Variants in FGG observed in about 807,000 individuals in gnomAD.
FGG encodes the protein fibrinogen gamma chain.
In FGG, 20 loss-of-function variants were observed where a neutral mutation model predicts 51.7. That is an observed-to-expected ratio of 0.39 (90% CI 0.27 to 0.56). FGG has a LOEUF of 0.56. Ranked by LOEUF, FGG falls within the 20% of genes least tolerant of loss-of-function variation. The pLI is 0.64. For missense variants in FGG, 460 were observed against 534.2 expected, an observed-to-expected ratio of 0.86 and a Z score of 1.37; for synonymous variants, 184 against 184.7, an observed-to-expected ratio of 1.00 and a Z score of 0.03.
intron 6 of FGG, among the ~76,000 whole-genome samples, chr4:154,609,306 T>C (rs1487363509): frequency 6.6e-6 from 1 of 152,164 alleles, no homozygotes; most frequent in Non-Finnish European, 1.5e-5. Context: ...TATTTGTCAC[T>C]GTGGTACTAT....
intron 8 of FGG, among the ~76,000 whole-genome samples, chr4:154,606,188 T>C (rs1731093079): frequency 1.3e-5 from 2 of 152,096 alleles, no homozygotes; most frequent in South Asian, 2.1e-4. Context: ...AGCCTCCTCA[T>C]CCAACCCCCA....
In FGG at chr4:154,605,066, C is replaced by T; in HGVS notation, c.1130G>A (p.Gly377Asp). ...AGHLNGVYYQ[G>D]GTYSKASTPN... ...AGTAGATGCTTTTGAGTAAGTGCCA[C>T]CTAAAACAAGTCGTAGATGTACATA... The change falls in exon 9 of 9, where the codon GGT (glycine) becomes GAT (aspartate). Residue 377 changes from glycine to aspartate, a missense_variant and splice_region_variant. Coordinates refer to ENST00000336098, the MANE Select transcript of FGG (RefSeq NM_021870.3). 4 of 1,613,884 alleles carry T rather than the reference C, an allele frequency of 2.5e-6. No homozygotes were observed. The highest frequency in any genetic ancestry group is 2.2e-5 in the South Asian group (2 of 91,070).
Position 154,608,557 on chromosome 4 carries a change from G to T in FGG, c.760C>A (p.Leu254Met). The T allele has an allele frequency of 6.2e-7, 1 of 1,613,744 alleles. No individual in the cohort carries two copies. Among genetic ancestry groups the T allele is most frequent in the Non-Finnish European group, 8.5e-7 (1 of 1,179,834 alleles). Residue 254 changes from leucine (L) to methionine (M), a missense_variant, in exon 7 of 9, where the codon CTG becomes ATG. Physicochemically the swap from Leu to Met is conservative, Grantham distance 15 (BLOSUM62 2). Around this residue, in one of 3 missense-constraint regions of FGG, gnomAD observed 353 missense variants for 391.7 expected, o/e 0.90. Coordinates refer to ENST00000336098, the MANE Select transcript of FGG (RefSeq NM_021870.3). ...ATCAAATGAATCTTCTCATTTCCCAGCCAAAATTCTGTTGTGCCAGTAGGA... is the reference window on the plus strand; with the variant it reads ...ATCAAATGAATCTTCTCATTTCCCATCCAAAATTCTGTTGTGCCAGTAGGA... ...LSPTGTTEFW[L>M]GNEKIHLIST...
intron 2 of FGG, 48 bp downstream of exon 2, chr4:154,612,343 G>C (rs780625317): frequency 6.3e-7 from 1 of 1,598,478 alleles, no homozygotes; most frequent in South Asian, 1.1e-5. Flanking sequence ...CTATTCCTCT[G>C]CCCCTCTCCA....
In FGG at chr4:154,604,441, G is replaced by T; in HGVS notation, c.*393C>A. ...GAAGAATTAAATAGGAATGATTTAGGGGTAATAAACAAGGAAAATACCTGG... is the reference window on the plus strand; with the variant it reads ...GAAGAATTAAATAGGAATGATTTAGTGGTAATAAACAAGGAAAATACCTGG... On this transcript the variant is annotated 3_prime_UTR_variant, in exon 9 of 9. Transcript: ENST00000336098. The T allele has an allele frequency of 2.4e-6, 3 of 1,228,588 alleles. No individual in the cohort carries two copies. Among genetic ancestry groups the T allele is most frequent in the Middle Eastern group, 2.0e-4 (1 of 4,944 alleles). 76.1% of individuals were successfully genotyped at this position (1,228,588 alleles called of 1,614,324 possible). A position where few individuals can be genotyped will look rare whatever the true frequency, so the allele number is the denominator to read the frequency against.
At position 154,609,780 on chromosome 4, in the gene FGG, G is replaced by C. The variant is rs577663651; in HGVS notation, c.533-17C>G. 2 of 1,613,924 alleles carry C rather than the reference G, an allele frequency of 1.2e-6. No individual in the cohort carries two copies. Among genetic ancestry groups the C allele is most frequent in the Middle Eastern group, 3.3e-4 (2 of 6,062 alleles). On this transcript the variant is annotated splice_polypyrimidine_tract_variant and intron_variant, in intron 5 of 8. Coordinates refer to ENST00000336098, the MANE Select transcript of FGG (RefSeq NM_021870.3). ...CTTGACAATCTAGAGAAGGAGAATC[G>C]ACTTTTACTGTGGTTTGAAATGCAG...
intron 5 of FGG, 71 bp downstream of exon 5, chr4:154,609,996 C>T: frequency 6.3e-7 from 1 of 1,596,136 alleles, no homozygotes; most frequent in Non-Finnish European, 8.6e-7. Context: ...CCTATACTTT[C>T]CAGTACATAC....
chr4:154,611,348 C>A, intron 4 of FGG: 1 of 162,232 alleles, frequency 6.2e-6, no homozygotes, highest in Non-Finnish European at 1.3e-5. Context: ...CTTAGTCTCT[C>A]AAGACATGTT....
At position 154,604,910 on chromosome 4, in the gene FGG, C is replaced by A. The variant is rs758530530; in HGVS notation, c.1286G>T (p.Gly429Val). Reference sequence around the variant, plus strand: ...CTCTGGTCTGACCTGTTTGGCTCCCCCCAGGTGGTGTTGCTGTCCTTCTCC... The same window carrying A: ...CTCTGGTCTGACCTGTTTGGCTCCCACCAGGTGGTGTTGCTGTCCTTCTCC... ...TIGEGQQHHL[G>V]GAKQVRPEHP... The change falls in exon 9 of 9, where the codon GGG (glycine) becomes GTG (valine). Residue 429 changes from glycine to valine, a missense_variant. Gly to Val is a moderately radical substitution (Grantham distance 109). Around this residue, in one of 3 missense-constraint regions of FGG, gnomAD observed 92 missense variants for 93.7 expected, o/e 0.98. Transcript: ENST00000336098. The A allele has an allele frequency of 3.5e-5, 57 of 1,613,928 alleles. No individual in the cohort carries two copies. Among genetic ancestry groups the A allele is most frequent in the Non-Finnish European group, 4.6e-5 (54 of 1,179,966 alleles).
chr4:154,612,442 G>A lies in FGG; in HGVS notation c.79-7C>T. 1 of 1,613,828 alleles carries A rather than the reference G, an allele frequency of 6.2e-7. No homozygotes were observed. Among genetic ancestry groups the A allele is most frequent in the Non-Finnish European group, 8.5e-7 (1 of 1,179,844 alleles). On this transcript the variant is annotated splice_polypyrimidine_tract_variant and splice_region_variant and intron_variant, in intron 1 of 8. Transcript: ENST00000336098. ...TGTCTCTGGTAGCAACATACTAAAA[G>A]AGAAAAAATACAGAAATTTCACTAG...
At chr4:154,609,457 C>T (rs931362326) in intron 6 of FGG, among the ~76,000 whole-genome samples, 173 bp downstream of exon 6, 14 of 152,116 alleles carry the variant, frequency 9.2e-5, no homozygotes, top group African/African-American at 1.7e-4. Context: ...GTTATTTAAC[C>T]TTGTGTGCCT....
At chr4:154,611,603 T>A (rs1042639271) in intron 4 of FGG, 2 of 484,012 alleles carry the variant, frequency 4.1e-6, no homozygotes, top group Non-Finnish European at 7.3e-6. Flanking sequence ...TTCAATGTGA[T>A]TATTAATAAG....
chr4:154,606,022 A>G (rs1429448198), intron 8 of FGG, among the ~76,000 whole-genome samples: 2 of 152,120 alleles, frequency 1.3e-5, no homozygotes, highest in Non-Finnish European at 2.9e-5. Context: ...GATTATCTTC[A>G]TAGTGGTTTT....
At chr4:154,605,214 TA>T in intron 8 of FGG, 148 bp from the exon 9 acceptor site, 1 of 756,912 alleles carries the variant, frequency 1.3e-6, no homozygotes, top group South Asian at 1.7e-5. Context: ...CAAAGATTCC[TA>T]AAATATCAAT....
chr4:154,608,540 A>C lies in FGG; in HGVS notation c.777T>G (p.Ile259Met). ...TGGCAGACTGTGTGCTTATCAAATG[A>C]ATCTTCTCATTTCCCAGCCAAAATT... is the stretch of plus-strand genomic sequence containing the variant. ...TTEFWLGNEK[I>M]HLISTQSAIP... Residue 259 changes from isoleucine to methionine, a missense_variant, in exon 7 of 9, where the codon ATT becomes ATG. This residue lies in a region of FGG where 353 missense variants were observed against 391.7 expected (regional missense o/e 0.90). Transcript: ENST00000336098. The C allele has an allele frequency of 6.2e-7, 1 of 1,613,810 alleles. No individual in the cohort carries two copies. Among genetic ancestry groups the C allele is most frequent in the South Asian group, 1.1e-5 (1 of 91,078 alleles).
chr4:154,604,421 A>G lies in FGG; in HGVS notation c.*413T>C. The G allele has an allele frequency of 3.0e-6, 4 of 1,341,918 alleles. No homozygotes were observed. The highest frequency in any genetic ancestry group is 4.0e-6 in the Non-Finnish European group (4 of 994,062). The allele number at this position is 1,341,918 out of a possible 1,614,324, so 83.1% of individuals were successfully genotyped here. A position where few individuals can be genotyped will look rare whatever the true frequency, so the allele number is the denominator to read the frequency against. On this transcript the variant is annotated 3_prime_UTR_variant, in exon 9 of 9. Transcript: ENST00000336098. ...TAATTTTCTCCATTTAAAAAGAAGA[A>G]TTAAATAGGAATGATTTAGGGGTAA...
At position 154,612,139 on chromosome 4, in the gene FGG, T is replaced by C; in HGVS notation, c.186A>G (p.Val62=). 1 of 1,612,328 alleles carries C rather than the reference T, an allele frequency of 6.2e-7. No homozygotes were observed. ...CTTCCAAAGACTGTAGATCCTTGTCTACTTTGGTTTGATAAGTAGACAGGA... is the reference window on the plus strand; with the variant it reads ...CTTCCAAAGACTGTAGATCCTTGTCCACTTTGGTTTGATAAGTAGACAGGA... ...ADFLSTYQTK[V]DKDLQSLEDI... Residue 62 remains valine, a synonymous_variant, in exon 3 of 9, where the codon GTA becomes GTG. Coordinates refer to ENST00000336098, the MANE Select transcript of FGG (RefSeq NM_021870.3).
Position 154,609,774 on chromosome 4 carries a change from A to G in FGG, c.533-11T>C, listed in dbSNP as rs1205767159. The stretch of plus-strand genomic sequence containing the variant: ...CAATGTCTTGACAATCTAGAGAAGG[A>G]GAATCGACTTTTACTGTGGTTTGAA... On this transcript the variant is annotated splice_polypyrimidine_tract_variant and intron_variant, in intron 5 of 8. Coordinates refer to ENST00000336098, the MANE Select transcript of FGG (RefSeq NM_021870.3). 6.2e-7 allele frequency: 1 copy of G among 1,613,902 alleles called. No individual in the cohort carries two copies. The highest frequency in any genetic ancestry group is 1.7e-5 in the Admixed American group (1 of 59,980).
At chr4:154,607,787 G>A (rs1164564883) in intron 7 of FGG, among the ~76,000 whole-genome samples, 1 of 152,142 alleles carries the variant, frequency 6.6e-6, no homozygotes, top group East Asian at 1.9e-4. Context: ...AAAAGTCCAT[G>A]TGTTTGAAGA....
Sources: allele counts gnomAD v4.1 joint callset (sites outside exome capture counted in the v4.1 genomes callset), GRCh38; gene constraint gnomAD v4.1.1; regional missense constraint gnomAD v4.1.1; transcripts MANE v1.5; gene names NCBI Gene and HGNC (gene_info 2026-07-23, HGNC 2026-07-21).